Variants in TRPM5 observed in about 807,000 individuals in gnomAD.
The protein encoded by TRPM5 is transient receptor potential cation channel subfamily M member 5.
TRPM5 carries 121 observed loss-of-function variants against 124.9 expected under a neutral mutation model. The ratio of observed to expected loss-of-function variants is 0.97; its 90% CI spans 0.84 to 1.13. The LOEUF is 1.13. TRPM5 is among the 50% of genes most tolerant of loss of function. The probability of loss-of-function intolerance (pLI) is 0.00; values close to 1 mark genes in which losing one functional copy is unlikely to be tolerated. For missense variants in TRPM5, 1,643 were observed against 1,589.1 expected (o/e 1.03, Z -0.58); for synonymous variants, 781 against 700.5 (o/e 1.11, Z -1.81).
At chr11:2,406,707 G>GCTT in exon 21 of TRPM5, 1 of 1,613,408 alleles carries the variant, frequency 6.2e-7, no homozygotes, top group Non-Finnish European at 8.5e-7. Context: ...TCCCTCCTCC[G>GCTT]CTTCTCCATC....
chr11:2,411,184 G>A (rs1398015740), intron 18 of TRPM5, among the ~76,000 whole-genome samples, 168 bp downstream of exon 23: 1 of 152,118 alleles, frequency 6.6e-6, no homozygotes, highest in Non-Finnish European at 1.5e-5. Flanking sequence ...CTGGCCCTTT[G>A]GGGTGTGGGG....
chr11:2,404,690 C>G, exon 24 of TRPM5: 1 of 525,186 alleles, frequency 1.9e-6, no homozygotes, highest in Non-Finnish European at 3.4e-6. Flanking sequence ...GGCACGTTTT[C>G]TGCCCGGGGA....
intron 7 of TRPM5, 39 bp downstream of exon 12, chr11:2,417,688 C>T: frequency 6.6e-7 from 1 of 1,516,728 alleles, no homozygotes; most frequent in Non-Finnish European, 9.0e-7. Flanking sequence ...CATGAAGCCC[C>T]CCAATGGCGC....
At chr11:2,432,559 G>A in the TRPM5 span, among the ~76,000 whole-genome samples, 3 of 152,248 alleles carry the variant, frequency 2.0e-5, no homozygotes, top group Non-Finnish European at 4.4e-5. Flanking sequence ...CCTGACCGGG[G>A]TCCTCGGGCC....
At chr11:2,406,706 C>G (rs770470349) in exon 21 of TRPM5, 6 of 1,613,486 alleles carry the variant, frequency 3.7e-6, no homozygotes, top group Non-Finnish European at 5.1e-6. Context: ...GTCCCTCCTC[C>G]GCTTCTCCAT....
chr11:2,418,374 AG>A lies in TRPM5; in HGVS notation c.715-17del, dbSNP rs1350893432. The A allele has an allele frequency of 1.3e-6, 2 of 1,541,012 alleles. No individual in the cohort carries two copies. The highest frequency in any genetic ancestry group is 2.7e-5 in the African/African-American group (2 of 72,922). On this transcript the variant is annotated splice_polypyrimidine_tract_variant and intron_variant, in intron 5 of 23. Transcript: ENST00000155858. ...TGGAGATCCTCTGAGACGGGGAGGGAGGGGAGAGCGGACCCCAGATTAGCCC... is the reference window on the plus strand; with the variant it reads ...TGGAGATCCTCTGAGACGGGGAGGGAGGGAGAGCGGACCCCAGATTAGCCC...
At chr11:2,414,009 G>GGCCCCCCCCCCCA in intron 12 of TRPM5, 52 bp downstream of exon 17, 1 of 1,023,734 alleles carries the variant, frequency 9.8e-7, no homozygotes, top group Non-Finnish European at 1.4e-6. Context: ...GGCCCAGCTC[G>GGCCCCCCCCCCCA]CCCGCCCACC....
In TRPM5 at chr11:2,411,830, C is replaced by T. The variant is rs1850458381; in HGVS notation, c.2475-63G>A. On this transcript the variant is annotated intron_variant, in intron 16 of 23. Coordinates refer to ENST00000155858, the Ensembl canonical transcript of TRPM5. The stretch of plus-strand genomic sequence containing the variant: ...AGAGGGGCAGAGGCTTCCCCAGGGG[C>T]ACACAGCATGCTGGCTGCGGGCAGG... The T allele has an allele frequency of 4.4e-6, 7 of 1,591,930 alleles. No homozygotes were observed. The Admixed American group carries it at 1.2e-4, about 27-fold the overall frequency.
chr11:2,418,993 G>A (rs753137), intron 4 of TRPM5, among the ~76,000 whole-genome samples: 68,923 of 151,794 alleles, frequency 0.45, 16,273 homozygotes, highest in East Asian at 0.66. Context: ...AAACTGAAGA[G>A]GTACAGGAGG....
chr11:2,404,847 G>A, exon 24 of TRPM5: 3 of 1,100,262 alleles, frequency 2.7e-6, no homozygotes, highest in East Asian at 4.8e-5. Flanking sequence ...CCCCCTGGGG[G>A]GTTCCGCTGG....
chr11:2,422,490 G>T (rs1280295010), intron 1 of TRPM5, among the ~76,000 whole-genome samples, 169 bp from the exon 7 acceptor site: 1 of 151,472 alleles, frequency 6.6e-6, no homozygotes, highest in Non-Finnish European at 1.5e-5. Flanking sequence ...GGGGTACCGG[G>T]GAGGTGCTGG....
chr11:2,409,385 G>C (rs1339155334), intron 18 of TRPM5, among the ~76,000 whole-genome samples: 2 of 152,126 alleles, frequency 1.3e-5, no homozygotes, highest in Non-Finnish European at 2.9e-5. Flanking sequence ...TGAGGAATGA[G>C]ACCCCCACAC....
the TRPM5 span, among the ~76,000 whole-genome samples, chr11:2,429,600 A>T: frequency 6.7e-6 from 1 of 149,390 alleles, no homozygotes; most frequent in Non-Finnish European, 1.5e-5. This position sits in a 1 kb window ranked among gnomAD's most constrained non-coding sequence, Gnocchi z 8.4. Flanking sequence ...ATAACGTGAT[A>T]ATGTTGGAGA....
chr11:2,420,499 G>A (rs938942926), intron 3 of TRPM5, 94 bp from the exon 9 acceptor site: 35 of 1,343,576 alleles, frequency 2.6e-5, no homozygotes, highest in Middle Eastern at 2.6e-4. Flanking sequence ...TGCACACCAC[G>A]CCATGGGGCC....
upstream of TRPM5, among the ~76,000 whole-genome samples, chr11:2,424,063 GC>G (rs750570294): frequency 3.3e-5 from 5 of 152,172 alleles, no homozygotes; most frequent in Non-Finnish European, 5.9e-5. Flanking sequence ...GTCTCCGTGG[GC>G]CCCCAGCCAC....
At chr11:2,407,056 G>T (rs1565005933) in intron 20 of TRPM5, 63 bp downstream of exon 25, 2 of 1,470,578 alleles carry the variant, frequency 1.4e-6, no homozygotes, top group Non-Finnish European at 1.8e-6. Flanking sequence ...CCAGCGCACA[G>T]CCCCGCCCTG....
the TRPM5 span, among the ~76,000 whole-genome samples, chr11:2,434,871 A>G: frequency 1.0e-3 from 157 of 152,274 alleles, no homozygotes; most frequent in Middle Eastern, 3.4e-3. Context: ...AATGACAGCC[A>G]TTGGGAAGCA....
chr11:2,420,412 C>G lies in TRPM5; in HGVS notation c.466-7G>C, dbSNP rs1365971859. ...AGTGGACAGGAAAATCCTCCTGCGC[C>G]CATGCAGGGAGACGAGGCTGAGCCC... On this transcript the variant is annotated splice_polypyrimidine_tract_variant and splice_region_variant and intron_variant, in intron 3 of 23. Transcript: ENST00000155858. 1 of 1,600,620 alleles carries G rather than the reference C, an allele frequency of 6.2e-7. No homozygotes were observed. The highest frequency in any genetic ancestry group is 1.1e-5 in the South Asian group (1 of 90,646).
chr11:2,407,438 T>C, intron 19 of TRPM5, 138 bp from the exon 25 acceptor site: 1 of 869,066 alleles, frequency 1.2e-6, no homozygotes, highest in Admixed American at 2.8e-5. Flanking sequence ...GCCTCTGGGG[T>C]GTGTCACGAG....
Sources: allele counts gnomAD v4.1 joint callset (sites outside exome capture counted in the v4.1 genomes callset), GRCh38; gene constraint gnomAD v4.1.1; non-coding constraint Gnocchi (gnomAD v3.1); transcripts MANE v1.5; gene names NCBI Gene and HGNC (gene_info 2026-07-23, HGNC 2026-07-21).